Variants in PIP4K2A observed in about 807,000 individuals in gnomAD.
PIP4K2A encodes phosphatidylinositol-5-phosphate 4-kinase type 2 alpha, also known as phosphatidylinositol 5-phosphate 4-kinase type-2 alpha.
Under a neutral mutation model 42.9 loss-of-function variants are expected in PIP4K2A, and 14 were observed. The ratio of observed to expected loss-of-function variants is 0.33; its 90% CI spans 0.22 to 0.51. The LOEUF (loss-of-function observed/expected upper bound fraction) is 0.51, where lower values mean the gene tolerates loss of function less well. Among genes scored for constraint, PIP4K2A ranks in the 20% least tolerant of loss-of-function variants. The pLI, the probability that PIP4K2A is intolerant of heterozygous loss-of-function variation, is 0.97. For synonymous variants in PIP4K2A, 192 were observed against 192.2 expected, an observed-to-expected ratio of 1.00 and a Z score of 0.01; for missense variants, 434 against 519.8, an observed-to-expected ratio of 0.83 and a Z score of 1.61.
chr10:22,539,606 AAG>A (rs1430565427), intron 9 of PIP4K2A: 4 of 190,860 alleles, frequency 2.1e-5, no homozygotes, highest in Non-Finnish European at 3.2e-5. Context: ...TCAAACAAAA[AAG>A]AATTTGTGTA....
chr10:22,618,485 C>A (rs571894794), intron 1 of PIP4K2A, among the ~76,000 whole-genome samples: 1 of 152,238 alleles, frequency 6.6e-6, no homozygotes, highest in African/African-American at 2.4e-5. Flanking sequence ...TGTCCCTGTC[C>A]CGCAAACAGA....
chr10:22,580,146 C>T (rs187035559), intron 4 of PIP4K2A, among the ~76,000 whole-genome samples: 6 of 151,866 alleles, frequency 4.0e-5, no homozygotes, highest in South Asian at 2.1e-4. Flanking sequence ...TAATGCATGA[C>T]GGGGACTCCC....
chr10:22,649,198 C>T (rs1838943523), intron 1 of PIP4K2A, among the ~76,000 whole-genome samples: 1 of 152,204 alleles, frequency 6.6e-6, no homozygotes, highest in Non-Finnish European at 1.5e-5. Context: ...TTCCATCATA[C>T]ATTTATTCAC....
chr10:22,609,609 C>T lies in PIP4K2A; in HGVS notation c.242+11G>A, dbSNP rs1837986401. ...CACGCTAGTCTTATGAAAGGTCATA[C>T]TTGTACTTACTTGTTAAAAAGGTGA... On this transcript the variant is annotated intron_variant, in intron 2 of 9. Coordinates refer to ENST00000376573, the MANE Select transcript of PIP4K2A (RefSeq NM_005028.5). The T allele has an allele frequency of 2.1e-6, 3 of 1,454,002 alleles. No individual in the cohort carries two copies. The highest frequency in any genetic ancestry group is 1.4e-5 in the African/African-American group (1 of 71,810). The allele number at this position is 1,454,002 out of a possible 1,614,324, so 90.1% of individuals were successfully genotyped here. A position where few individuals can be genotyped will look rare whatever the true frequency, so the allele number is the denominator to read the frequency against.
rs200930851 is a variant in PIP4K2A, at chr10:22,591,663, G to C, written c.458C>G (p.Ala153Gly). The change falls in exon 4 of 10, where the codon GCC becomes GGC. Residue 153 changes from alanine to glycine, a missense_variant. Physicochemically the swap from Ala to Gly is moderately conservative, Grantham distance 60. Around this residue, in one of 2 missense-constraint regions of PIP4K2A, gnomAD observed 395 missense variants for 444.5 expected, o/e 0.89. Transcript: ENST00000376573. The stretch of plus-strand genomic sequence containing the variant: ...TTTCTTCAGGATGTTGTGCATTTCG[G>C]CCACGTCTTCACTGGTAATAGTCTT... ...IIKTITSEDVAEMHNILKKYH... is the reference protein window; with the variant it reads ...IIKTITSEDVGEMHNILKKYH... 10 of 1,609,952 alleles carry C rather than the reference G, an allele frequency of 6.2e-6. No individual in the cohort carries two copies. The African/African-American group carries it at 1.3e-4, about 21-fold the overall frequency.
At chr10:22,577,106 A>G (rs1349189028) in intron 4 of PIP4K2A, among the ~76,000 whole-genome samples, 1 of 150,218 alleles carries the variant, frequency 6.7e-6, no homozygotes, top group Non-Finnish European at 1.5e-5. Context: ...AAAAGTATTC[A>G]TAGATTCACT....
Position 22,588,131 on chromosome 10 carries a change from T to C in PIP4K2A, c.492+3498A>G, listed in dbSNP as rs528754336. Among the ~76,000 whole-genome samples, 10 of 152,376 alleles carry C rather than the reference T, an allele frequency of 6.6e-5. No individual in the cohort carries two copies. In the South Asian group the frequency reaches 1.9e-3, roughly 28 times the overall value. On this transcript the variant is annotated intron_variant, in intron 4 of 9. Transcript: ENST00000376573. ...TGTATATGAGTGGCATGTCCACCTT[T>C]AATGGTCAACGTTTGTGTCACCTAT...
chr10:22,604,750 C>T (rs562278499), intron 3 of PIP4K2A, among the ~76,000 whole-genome samples: 386 of 152,228 alleles, frequency 2.5e-3, no homozygotes, highest in African/African-American at 9.1e-3. Context: ...CTCTACTCAG[C>T]AAAGGCACAT....
chr10:22,568,219 C>G (rs1294242133), intron 5 of PIP4K2A, among the ~76,000 whole-genome samples: 1 of 152,222 alleles, frequency 6.6e-6, no homozygotes, highest in Admixed American at 6.5e-5. Context: ...AACACTGGAT[C>G]AGCCCCACAC....
intron 3 of PIP4K2A, among the ~76,000 whole-genome samples, chr10:22,599,571 A>C (rs1185999901): frequency 5.9e-5 from 9 of 152,224 alleles, no homozygotes; most frequent in Admixed American, 4.6e-4. Flanking sequence ...CATCACAGCC[A>C]ATAAATGTTG....
chr10:22,554,972 T>C (rs1836499418), intron 6 of PIP4K2A, among the ~76,000 whole-genome samples: 1 of 152,310 alleles, frequency 6.6e-6, no homozygotes, highest in African/African-American at 2.4e-5. Context: ...TGAGGTAATC[T>C]GCTGCGGTGG....
At chr10:22,569,143 CG>C (rs1283795400) in intron 5 of PIP4K2A, 1 of 971,654 alleles carries the variant, frequency 1.0e-6, no homozygotes, top group East Asian at 2.6e-5. Context: ...TTCACAGATG[CG>C]GAAACTTGAA....
intron 1 of PIP4K2A, among the ~76,000 whole-genome samples, chr10:22,652,193 C>T (rs1297067220): frequency 1.3e-5 from 2 of 152,016 alleles, no homozygotes; most frequent in Non-Finnish European, 2.9e-5. Context: ...TCTTGGCTCA[C>T]TGCAACCTCT....
At chr10:22,590,657 A>C (rs1226816187) in intron 4 of PIP4K2A, among the ~76,000 whole-genome samples, 1 of 152,210 alleles carries the variant, frequency 6.6e-6, no homozygotes, top group Non-Finnish European at 1.5e-5. Flanking sequence ...TGAGCCCAAG[A>C]GTTCAAGACC....
intron 1 of PIP4K2A, among the ~76,000 whole-genome samples, chr10:22,682,203 C>G (rs1011772883): frequency 2.0e-5 from 3 of 152,040 alleles, no homozygotes; most frequent in Non-Finnish European, 4.4e-5. Context: ...AGCACACAAC[C>G]CTTAGCTACT....
intron 6 of PIP4K2A, among the ~76,000 whole-genome samples, chr10:22,553,477 C>T (rs747732766): frequency 3.9e-5 from 6 of 152,148 alleles, no homozygotes; most frequent in South Asian, 4.1e-4. Context: ...ACTTTGTGTG[C>T]GTCATTTTAT....
At chr10:22,600,761 C>T (rs1050263229) in intron 3 of PIP4K2A, among the ~76,000 whole-genome samples, 11 of 151,984 alleles carry the variant, frequency 7.2e-5, no homozygotes, top group Admixed American at 2.6e-4. Context: ...CCTCTGACCC[C>T]GCCAGAGAGT....
At chr10:22,636,835 G>A (rs773370254) in intron 1 of PIP4K2A, among the ~76,000 whole-genome samples, 11 of 152,308 alleles carry the variant, frequency 7.2e-5, no homozygotes, top group Non-Finnish European at 1.5e-4. Context: ...TGGCCAGTGG[G>A]CAATCAGCAA....
At chr10:22,708,626 A>G (rs890783748) in intron 1 of PIP4K2A, among the ~76,000 whole-genome samples, 4 of 152,092 alleles carry the variant, frequency 2.6e-5, no homozygotes, top group African/African-American at 7.2e-5. Flanking sequence ...CATCACATAC[A>G]GTTGGGGCTG....
Sources: allele counts gnomAD v4.1 joint callset (sites outside exome capture counted in the v4.1 genomes callset), GRCh38; gene constraint gnomAD v4.1.1; regional missense constraint gnomAD v4.1.1; transcripts MANE v1.5; gene names NCBI Gene and HGNC (gene_info 2026-07-23, HGNC 2026-07-21).